The following PHACTR1 variants were observed in gnomAD, a reference collection of about 807,000 sequenced individuals.
PHACTR1 encodes the protein RPEL repeat containing 1.
In PHACTR1, 16 loss-of-function variants were observed where a neutral mutation model predicts 69.2. The observed-to-expected ratio is 0.23, with a 90% confidence interval of 0.16 to 0.35. The LOEUF is 0.35. Ranked by LOEUF, PHACTR1 falls within the 10% of genes least tolerant of loss-of-function variation. The pLI is 1.00. For synonymous variants in PHACTR1, 312 were observed against 284.5 expected (o/e 1.10, Z -0.97); for missense variants, 510 against 734.7 (o/e 0.69, Z 3.54).
At chr6:12,958,057 A>G (rs997842366) in intron 4 of PHACTR1, 2 of 967,110 alleles carry the variant, frequency 2.1e-6, no homozygotes, top group African/African-American at 3.5e-5. Flanking sequence ...GGCGTCTGAA[A>G]TCATGTTATT....
chr6:12,821,840 T>C (rs1776259719), intron 4 of PHACTR1, among the ~76,000 whole-genome samples: 1 of 152,212 alleles, frequency 6.6e-6, no homozygotes, highest in South Asian at 2.1e-4. Context: ...TTGTCAAAGG[T>C]CACACAAACT....
chr6:13,234,334 GTAAC>G (rs1332409855), intron 10 of PHACTR1, among the ~76,000 whole-genome samples: 2 of 152,212 alleles, frequency 1.3e-5, no homozygotes, highest in Non-Finnish European at 2.9e-5. Context: ...ATCACAAAAA[GTAAC>G]TAAAAGAATG....
intron 6 of PHACTR1, among the ~76,000 whole-genome samples, chr6:13,161,279 T>G (rs1220926821): frequency 1.3e-5 from 2 of 152,088 alleles, no homozygotes; most frequent in Non-Finnish European, 2.9e-5. Flanking sequence ...CGCCCGGCCT[T>G]TGCAATTTTC....
intron 10 of PHACTR1, among the ~76,000 whole-genome samples, chr6:13,261,006 C>G (rs1775836763): frequency 6.6e-6 from 1 of 152,222 alleles, no homozygotes; most frequent in Non-Finnish European, 1.5e-5. Flanking sequence ...ACCCTGGCCT[C>G]TATCTACCGG....
intron 5 of PHACTR1, among the ~76,000 whole-genome samples, chr6:13,116,861 G>A (rs1817899309): frequency 6.6e-6 from 1 of 152,170 alleles, no homozygotes. Flanking sequence ...CTCGTCAGAT[G>A]AGGAAATTGA....
chr6:12,807,483 C>T lies in PHACTR1; in HGVS notation c.250+57693C>T, dbSNP rs532888789. 2.6e-5 allele frequency among the ~76,000 whole-genome samples: 4 copies of T among 152,234 alleles called. 1 individual carries two copies. In the East Asian group the frequency reaches 7.7e-4, roughly 29 times the overall value. On this transcript the variant is annotated intron_variant, in intron 4 of 14. Transcript: ENST00000332995. ...TTCTCCATGTTAATTATTGTGCCAA[C>T]CCCAGGAAATATAAGGACCTGAGAA...
At chr6:13,262,175 C>T (rs939359532) in intron 10 of PHACTR1, among the ~76,000 whole-genome samples, 1 of 151,996 alleles carries the variant, frequency 6.6e-6, no homozygotes, top group African/African-American at 2.4e-5. Flanking sequence ...TAGATGGAAT[C>T]AGAGATGGTT....
intron 10 of PHACTR1, among the ~76,000 whole-genome samples, chr6:13,271,594 A>G (rs1190560025): frequency 1.3e-5 from 2 of 152,224 alleles, no homozygotes; most frequent in African/African-American, 4.8e-5. Flanking sequence ...TATTTGCAAA[A>G]AACTATGTGT....
At chr6:12,788,588 C>T (rs550391956) in intron 4 of PHACTR1, among the ~76,000 whole-genome samples, 11 of 152,234 alleles carry the variant, frequency 7.2e-5, no homozygotes, top group African/African-American at 2.4e-4. Flanking sequence ...TTGTTATTAT[C>T]CTTACCTATC....
At chr6:13,102,411 T>A (rs546820101) in intron 5 of PHACTR1, among the ~76,000 whole-genome samples, 1 of 152,336 alleles carries the variant, frequency 6.6e-6, no homozygotes, top group South Asian at 2.1e-4. Context: ...GAATATTTTC[T>A]TACTCTCAAG....
intron 4 of PHACTR1, among the ~76,000 whole-genome samples, chr6:12,784,029 T>C (rs2127648422): frequency 6.6e-6 from 1 of 152,162 alleles, no homozygotes; most frequent in East Asian, 1.9e-4. Context: ...TATGTACATA[T>C]GCACACACAT....
intron 10 of PHACTR1, among the ~76,000 whole-genome samples, chr6:13,233,449 G>A (rs544842778): frequency 1.3e-5 from 2 of 152,188 alleles, no homozygotes; most frequent in African/African-American, 4.8e-5. Flanking sequence ...CTGAGACTGG[G>A]TAATTTATAA....
intron 5 of PHACTR1, among the ~76,000 whole-genome samples, chr6:13,082,775 A>G (rs1290195770): frequency 6.6e-6 from 1 of 151,966 alleles, no homozygotes; most frequent in African/African-American, 2.4e-5. Flanking sequence ...CATATCCTTC[A>G]CCCACTTTTT....
At chr6:13,075,920 C>T (rs1057061771) in intron 5 of PHACTR1, among the ~76,000 whole-genome samples, 2 of 151,972 alleles carry the variant, frequency 1.3e-5, no homozygotes, top group African/African-American at 4.8e-5. Flanking sequence ...ATTAATACAG[C>T]TAAGAATTTT....
intron 4 of PHACTR1, among the ~76,000 whole-genome samples, chr6:12,832,285 T>A (rs1349469062): frequency 2.0e-5 from 3 of 152,108 alleles, no homozygotes; most frequent in African/African-American, 7.2e-5. Flanking sequence ...AAAGAACATC[T>A]TATGTTAGCT....
intron 5 of PHACTR1, among the ~76,000 whole-genome samples, chr6:13,064,394 A>G (rs1583194980): frequency 6.6e-6 from 1 of 151,552 alleles, no homozygotes; most frequent in Non-Finnish European, 1.5e-5. Flanking sequence ...ACGAGGGGAG[A>G]AGAAAAGACA....
chr6:12,726,712 A>G (rs1302761879), intron 3 of PHACTR1, among the ~76,000 whole-genome samples: 1 of 152,144 alleles, frequency 6.6e-6, no homozygotes, highest in Non-Finnish European at 1.5e-5. Flanking sequence ...CTGGACCTAC[A>G]GGTCTGATTT....
chr6:12,910,797 G>A (rs1786296618), intron 4 of PHACTR1, among the ~76,000 whole-genome samples: 1 of 152,176 alleles, frequency 6.6e-6, no homozygotes, highest in African/African-American at 2.4e-5. Context: ...AGGTTAAGTG[G>A]CAAAGCCTGG....
intron 4 of PHACTR1, among the ~76,000 whole-genome samples, chr6:12,830,137 G>GAAAGAAAGAAAGAAAGA (rs1212982081): frequency 3.6e-5 from 4 of 111,930 alleles, no homozygotes; most frequent in African/African-American, 5.4e-5. Flanking sequence ...AAGAAAGAAA[G>GAAAGAAAGAAAGAAAGA]AAAGAAAGAA....
Sources: allele counts gnomAD v4.1 joint callset (sites outside exome capture counted in the v4.1 genomes callset), GRCh38; gene constraint gnomAD v4.1.1; transcripts MANE v1.5; gene names NCBI Gene and HGNC (gene_info 2026-07-23, HGNC 2026-07-21).